Variants in BLM observed in about 807,000 individuals in gnomAD.
BLM encodes recQ-like DNA helicase BLM.
In BLM, 95 loss-of-function variants were observed where a neutral mutation model predicts 135.3. The observed-to-expected ratio is 0.70, with a 90% CI of 0.59 to 0.83. BLM has a LOEUF of 0.83. Among genes scored for constraint, BLM ranks in the 40% least tolerant of loss-of-function variants. The probability of loss-of-function intolerance (pLI) is 0.00; values close to 1 mark genes in which losing one functional copy is unlikely to be tolerated. For missense variants in BLM, 1,518 were observed against 1,663.9 expected (o/e 0.91, Z 1.53); for synonymous variants, 520 against 589.2 (o/e 0.88, Z 1.70).
intron 17 of BLM, among the ~76,000 whole-genome samples, chr15:90,803,109 A>C (rs1897200524): frequency 6.6e-6 from 1 of 151,724 alleles, no homozygotes; most frequent in Admixed American, 6.6e-5. Flanking sequence ...GCTGCAGTGA[A>C]CCATGATTGC....
chr15:90,777,103 G>C (rs1471207056), intron 12 of BLM, among the ~76,000 whole-genome samples: 1 of 150,850 alleles, frequency 6.6e-6, no homozygotes, highest in East Asian at 2.0e-4. Context: ...CTAGCCTCCT[G>C]AGTAGCTGGG....
chr15:90,783,944 A>G (rs1896678715), intron 13 of BLM, among the ~76,000 whole-genome samples: 1 of 152,130 alleles, frequency 6.6e-6, no homozygotes, highest in Admixed American at 6.5e-5. Flanking sequence ...AAAGACAAAC[A>G]TCACTCAATG....
At chr15:90,751,710 T>C (rs1895687890) in intron 3 of BLM, 77 bp from the exon 4 acceptor site, 1 of 1,310,334 alleles carries the variant, frequency 7.6e-7, no homozygotes, top group Non-Finnish European at 1.1e-6. Context: ...AAGCACTCAT[T>C]CTTAATCGCT....
chr15:90,756,304 C>T (rs958125623), intron 5 of BLM, among the ~76,000 whole-genome samples: 8 of 152,106 alleles, frequency 5.3e-5, no homozygotes, highest in East Asian at 1.9e-4. Flanking sequence ...AGGGTTTCAC[C>T]ATTTTAGCCA....
intron 16 of BLM, among the ~76,000 whole-genome samples, chr15:90,794,772 A>T (rs917562747): frequency 6.8e-6 from 1 of 148,008 alleles, no homozygotes; most frequent in African/African-American, 2.5e-5. Context: ...AAATTGACGT[A>T]TTAATATTTA....
At chr15:90,762,173 C>T (rs986794603) in intron 7 of BLM, among the ~76,000 whole-genome samples, 3 of 152,140 alleles carry the variant, frequency 2.0e-5, no homozygotes, top group African/African-American at 7.2e-5. Flanking sequence ...GCGTAACTGC[C>T]AGAGCTCCGT....
chr15:90,742,874 G>A (rs187394929), intron 1 of BLM, among the ~76,000 whole-genome samples: 62 of 150,908 alleles, frequency 4.1e-4, no homozygotes, highest in African/African-American at 1.3e-3. Context: ...GGGCTCAAGC[G>A]ATCCTCCCGC....
At chr15:90,804,653 C>CA (rs1897248136) in intron 19 of BLM, among the ~76,000 whole-genome samples, 1 of 151,986 alleles carries the variant, frequency 6.6e-6, no homozygotes, top group Admixed American at 6.6e-5. Context: ...TTCGTAGAGA[C>CA]AGAGTTTCAC....
At chr15:90,787,795 CA>C (rs1224581435) in intron 14 of BLM, among the ~76,000 whole-genome samples, 1 of 151,776 alleles carries the variant, frequency 6.6e-6, no homozygotes, top group African/African-American at 2.4e-5. Context: ...ACTAAAAATA[CA>C]AAAATTAGCC....
intron 12 of BLM, among the ~76,000 whole-genome samples, chr15:90,770,247 C>T (rs983175878): frequency 2.1e-5 from 3 of 144,984 alleles, no homozygotes; most frequent in Admixed American, 7.0e-5. Context: ...GATCTCGGCT[C>T]ACTCCGAGTT....
chr15:90,785,867 T>G (rs1367518710), intron 14 of BLM, among the ~76,000 whole-genome samples: 1 of 152,148 alleles, frequency 6.6e-6, no homozygotes, highest in Non-Finnish European at 1.5e-5. Flanking sequence ...TTTTCAAGAT[T>G]TATCCATATT....
In BLM at chr15:90,790,731, CTG is replaced by C; in HGVS notation, c.2909_2910del (p.Val970GlyfsTer27). 6.2e-7 allele frequency: 1 copy of C among 1,614,090 alleles called. No individual in the cohort carries two copies. The highest frequency in any genetic ancestry group is 1.7e-5 in the Admixed American group (1 of 60,002). ...GTGATTCATGCATCTCTCCCTAAATCTGTGGAGGGTTACTACCAAGAATCTGG... is the reference window on the plus strand; with the variant it reads ...GTGATTCATGCATCTCTCCCTAAATCTGGAGGGTTACTACCAAGAATCTGG... On this transcript the variant is annotated frameshift_variant, in exon 15 of 22. Coordinates refer to ENST00000355112, the MANE Select transcript of BLM (RefSeq NM_000057.4). LOFTEE classifies it high-confidence loss of function.
At chr15:90,721,914 A>G (rs958910716) in intron 1 of BLM, among the ~76,000 whole-genome samples, 4 of 151,688 alleles carry the variant, frequency 2.6e-5, no homozygotes, top group African/African-American at 9.7e-5. Context: ...CTGGCGACAG[A>G]GCAAGACTGC....
chr15:90,756,976 A>T (rs1373517629), intron 5 of BLM, among the ~76,000 whole-genome samples: 2 of 152,260 alleles, frequency 1.3e-5, no homozygotes, highest in Admixed American at 6.5e-5. Context: ...TCAGGATTCA[A>T]GATAAAGTGC....
chr15:90,759,368 C>T (rs1191386555), intron 5 of BLM, among the ~76,000 whole-genome samples: 1 of 150,920 alleles, frequency 6.6e-6, no homozygotes, highest in East Asian at 1.9e-4. Context: ...TTGAGACCAG[C>T]CTGGGCAACA....
intron 1 of BLM, among the ~76,000 whole-genome samples, chr15:90,724,250 C>T (rs1010220227): frequency 2.6e-5 from 4 of 151,966 alleles, no homozygotes; most frequent in African/African-American, 4.8e-5. Context: ...TGGGCTCAAG[C>T]GATACTCCTG....
intron 12 of BLM, among the ~76,000 whole-genome samples, chr15:90,781,120 A>G (rs944190054): frequency 6.6e-6 from 1 of 152,236 alleles, no homozygotes; most frequent in Admixed American, 6.5e-5. Flanking sequence ...GGGCAAGAAT[A>G]GTAGACCAGA....
chr15:90,803,818 G>A, intron 18 of BLM, 98 bp downstream of exon 18: 1 of 1,204,668 alleles, frequency 8.3e-7, no homozygotes, highest in East Asian at 2.4e-5. Flanking sequence ...TATAGATACT[G>A]AATTTATATA....
At chr15:90,740,019 C>G (rs1895323571) in intron 1 of BLM, among the ~76,000 whole-genome samples, 1 of 152,186 alleles carries the variant, frequency 6.6e-6, no homozygotes, top group African/African-American at 2.4e-5. Context: ...CCCGCCTCAG[C>G]CTTCCAAAGG....
Sources: gnomAD v4.1 joint callset for allele counts (sites outside exome capture counted in the v4.1 genomes callset) on GRCh38, gnomAD v4.1.1 for gene constraint, MANE v1.5 for transcripts, NCBI Gene and HGNC (gene_info 2026-07-23, HGNC 2026-07-21) for gene names.